Variants in MAF observed in about 807,000 individuals in gnomAD.
The protein encoded by MAF is MAF bZIP transcription factor.
MAF carries 10 observed loss-of-function variants against 22.0 expected under a neutral mutation model. That is an observed-to-expected ratio of 0.45 (90% CI 0.28 to 0.77). The LOEUF (loss-of-function observed/expected upper bound fraction) is 0.77. Among genes scored for constraint, MAF ranks in the 30% least tolerant of loss-of-function variants. The probability of loss-of-function intolerance (pLI) is 0.12; values close to 1 mark genes in which losing one functional copy is unlikely to be tolerated. For synonymous variants in MAF, 337 were observed against 255.8 expected (o/e 1.32, Z -3.03); for missense variants, 544 against 548.4 (o/e 0.99, Z 0.08).
chr16:79,532,021 C>G, the MAF span, among the ~76,000 whole-genome samples: 8 of 152,122 alleles, frequency 5.3e-5, no homozygotes, highest in African/African-American at 1.9e-4. Context: ...AATACCCAGT[C>G]CAGTTTGAAT....
At chr16:79,507,647 G>A in the MAF span, among the ~76,000 whole-genome samples, 9 of 151,780 alleles carry the variant, frequency 5.9e-5, no homozygotes, top group Admixed American at 1.3e-4. Context: ...GGATGGTCTC[G>A]ATCTCCTGAC....
the MAF span, among the ~76,000 whole-genome samples, chr16:79,286,749 C>A: frequency 2.0e-5 from 3 of 152,208 alleles, no homozygotes; most frequent in Non-Finnish European, 4.4e-5. Flanking sequence ...AATGCCCACA[C>A]GTCCACCCGT....
the MAF span, among the ~76,000 whole-genome samples, chr16:79,399,810 T>C: frequency 6.6e-6 from 1 of 152,180 alleles, no homozygotes; most frequent in Non-Finnish European, 1.5e-5. Flanking sequence ...AGCTTGCCCA[T>C]GATGGTGCCA....
the MAF span, among the ~76,000 whole-genome samples, chr16:79,318,952 C>T: frequency 1.3e-5 from 2 of 152,130 alleles, no homozygotes; most frequent in African/African-American, 2.4e-5. Context: ...CTCCATGAAA[C>T]TCACACACAC....
At chr16:79,324,002 A>G in the MAF span, among the ~76,000 whole-genome samples, 1 of 152,110 alleles carries the variant, frequency 6.6e-6, no homozygotes, top group Non-Finnish European at 1.5e-5. Context: ...TCACACTGAG[A>G]ATATAAGCTC....
chr16:79,594,796 A>C, intron 1 of MAF: 1 of 1,308,666 alleles, frequency 7.6e-7, no homozygotes, highest in Non-Finnish European at 9.8e-7. Flanking sequence ...GCCTTTTACT[A>C]GGAGTTAACC....
the MAF span, among the ~76,000 whole-genome samples, chr16:79,386,623 C>G: frequency 2.0e-5 from 3 of 152,190 alleles, no homozygotes; most frequent in South Asian, 6.2e-4. Context: ...TAACTATATA[C>G]ACATATATCA....
At chr16:79,245,641 CAG>C in the MAF span, among the ~76,000 whole-genome samples, 1 of 152,044 alleles carries the variant, frequency 6.6e-6, no homozygotes, top group Non-Finnish European at 1.5e-5. Flanking sequence ...TTGTGGAAGA[CAG>C]TGTGGCAATT....
At chr16:79,348,897 C>T in the MAF span, among the ~76,000 whole-genome samples, 1 of 152,274 alleles carries the variant, frequency 6.6e-6, no homozygotes, top group Admixed American at 6.5e-5. Flanking sequence ...TTAAGCGTTC[C>T]GGTGACCCAG....
the MAF span, among the ~76,000 whole-genome samples, chr16:79,331,447 T>A: frequency 6.6e-6 from 1 of 152,236 alleles, no homozygotes. Flanking sequence ...GGACTCCATC[T>A]ACTAACTTTG....
the MAF span, among the ~76,000 whole-genome samples, chr16:79,573,348 T>A: frequency 6.6e-6 from 1 of 152,232 alleles, no homozygotes; most frequent in South Asian, 2.1e-4. Context: ...ATCTTCCATA[T>A]CCCAGATTAA....
the MAF span, among the ~76,000 whole-genome samples, chr16:79,366,684 A>G: frequency 6.6e-6 from 1 of 152,216 alleles, no homozygotes; most frequent in Non-Finnish European, 1.5e-5. Flanking sequence ...TATCTCTCCC[A>G]TGATAACTAG....
the MAF span, among the ~76,000 whole-genome samples, chr16:79,332,431 G>A: frequency 2.0e-5 from 3 of 152,144 alleles, no homozygotes; most frequent in African/African-American, 7.2e-5. Flanking sequence ...CTCCCGAGTA[G>A]CTGGGATTAC....
chr16:79,317,125 C>G, the MAF span, among the ~76,000 whole-genome samples: 4 of 150,858 alleles, frequency 2.7e-5, no homozygotes, highest in East Asian at 5.9e-4. Flanking sequence ...CCCTCTCTGT[C>G]TCTCTCCCTC....
downstream of MAF, among the ~76,000 whole-genome samples, chr16:79,591,272 G>C (rs1382220096): frequency 6.6e-6 from 1 of 152,146 alleles, no homozygotes; most frequent in Non-Finnish European, 1.5e-5. Flanking sequence ...CCTGGGTTGA[G>C]GGGTGAGGGG....
chr16:79,375,002 T>C, the MAF span, among the ~76,000 whole-genome samples: 1 of 152,220 alleles, frequency 6.6e-6, no homozygotes, highest in Non-Finnish European at 1.5e-5. Flanking sequence ...AGAGTGTTAG[T>C]TCCTCTATGG....
downstream of MAF, among the ~76,000 whole-genome samples, chr16:79,588,978 A>G (rs1913027907): frequency 1.3e-5 from 2 of 152,184 alleles, no homozygotes; most frequent in Non-Finnish European, 2.9e-5. Flanking sequence ...AACAAGATTT[A>G]CATAAAAAAT....
At chr16:79,575,044 T>A in the MAF span, among the ~76,000 whole-genome samples, 1 of 150,986 alleles carries the variant, frequency 6.6e-6, no homozygotes, top group Non-Finnish European at 1.5e-5. Flanking sequence ...TTTTTAATAC[T>A]GATGTCTGAG....
At chr16:79,266,763 T>G in the MAF span, among the ~76,000 whole-genome samples, 1 of 152,222 alleles carries the variant, frequency 6.6e-6, no homozygotes, top group African/African-American at 2.4e-5. Context: ...GCAACTACTA[T>G]GTGAGACACA....
Sources: gnomAD v4.1 joint callset for allele counts (sites outside exome capture counted in the v4.1 genomes callset) on GRCh38, gnomAD v4.1.1 for gene constraint, MANE v1.5 for transcripts, NCBI Gene and HGNC (gene_info 2026-07-23, HGNC 2026-07-21) for gene names.